Variants in SPEN observed in about 807,000 individuals in gnomAD.
SPEN encodes the protein spen family transcriptional repressor, also known as msx2-interacting protein.
A neutral mutation model predicts 269.9 loss-of-function variants in SPEN; 18 were observed. The ratio of observed to expected loss-of-function variants is 0.07; its 90% CI spans 0.05 to 0.10. The LOEUF is 0.10. Ranked by LOEUF, SPEN falls within the 10% of genes least tolerant of loss-of-function variation. SPEN has a pLI of 1.00. For missense variants in SPEN, 3,822 were observed against 4,631.2 expected, an observed-to-expected ratio of 0.83 and a Z score of 5.07; for synonymous variants, 1,726 against 1,765.7, an observed-to-expected ratio of 0.98 and a Z score of 0.56.
chr1:15,854,280 C>CAT (rs1180574421), intron 1 of SPEN, among the ~76,000 whole-genome samples: 1 of 152,078 alleles, frequency 6.6e-6, no homozygotes, highest in African/African-American at 2.4e-5. Flanking sequence ...CCTTGAAACA[C>CAT]ATATATTAGC....
At position 15,932,770 on chromosome 1, in the gene SPEN, A is replaced by G. The variant is rs1570065882; in HGVS notation, c.6530A>G (p.His2177Arg). 1 of 1,614,222 alleles carries G rather than the reference A, an allele frequency of 6.2e-7. No homozygotes were observed. The highest frequency in any genetic ancestry group is 2.2e-5 in the East Asian group (1 of 44,874). ...KQMELEQAVE[H>R]IAKLAEASAS... ...ATGGAGCTGGAGCAGGCCGTGGAAC[A>G]CATCGCAAAGCTCGCTGAGGCCTCT... is the stretch of plus-strand genomic sequence containing the variant. Residue 2177 changes from histidine to arginine, a missense_variant, in exon 11 of 15, where the codon CAC becomes CGC. Around this residue, in one of 16 missense-constraint regions of SPEN, gnomAD observed 727 missense variants for 737.9 expected, o/e 0.99. Coordinates refer to ENST00000375759, the MANE Select transcript of SPEN (RefSeq NM_015001.3). This position sits in a 1 kb window ranked among gnomAD's most constrained non-coding sequence, Gnocchi z 4.2.
chr1:15,934,508 A>G lies in SPEN; in HGVS notation c.8268A>G (p.Thr2756=). The G allele has an allele frequency of 6.2e-7, 1 of 1,614,106 alleles. No individual in the cohort carries two copies. Among genetic ancestry groups the G allele is most frequent in the Non-Finnish European group, 8.5e-7 (1 of 1,180,044 alleles). Residue 2756 remains threonine (T), a synonymous_variant, in exon 11 of 15, where the codon ACA becomes ACG. Transcript: ENST00000375759. The surrounding 1 kb of genome is among the most constrained non-coding windows in gnomAD (Gnocchi z 9.2). The part of the protein sequence containing the change: ...VTAASGGVTA[T]TGTVTMAGAV... ...CTGCATCTGGTGGTGTAACGGCCAC[A>G]ACAGGCACGGTGACAATGGCAGGGG...
intron 9 of SPEN, among the ~76,000 whole-genome samples, chr1:15,921,197 C>T (rs183108222): frequency 6.6e-6 from 1 of 152,184 alleles, no homozygotes; most frequent in Non-Finnish European, 1.5e-5. Flanking sequence ...GGCTTGGTGG[C>T]GCGTGCCTGT....
In SPEN at chr1:15,935,205, G is replaced by C. The variant is rs759938106; in HGVS notation, c.8965G>C (p.Ala2989Pro). 3 of 1,614,022 alleles carry C rather than the reference G, an allele frequency of 1.9e-6. No homozygotes were observed. The highest frequency in any genetic ancestry group is 4.5e-5 in the East Asian group (2 of 44,868). Residue 2989 changes from alanine (A) to proline (P), a missense_variant, in exon 11 of 15, where the codon GCT (alanine) becomes CCT (proline). Around this residue, in one of 16 missense-constraint regions of SPEN, gnomAD observed 94 missense variants for 90.4 expected, o/e 1.04. Coordinates refer to ENST00000375759, the MANE Select transcript of SPEN (RefSeq NM_015001.3). The surrounding 1 kb of genome is among the most constrained non-coding windows in gnomAD (Gnocchi z 7.7). ...GSTLTPHHPP[A>P]LPSKLPTEVN... ...CACGCTCACGCCCCACCACCCTCCTGCTCTGCCCAGCAAACTGCCTACAGA... is the reference window on the plus strand; with the variant it reads ...CACGCTCACGCCCCACCACCCTCCTCCTCTGCCCAGCAAACTGCCTACAGA...
intron 3 of SPEN, among the ~76,000 whole-genome samples, chr1:15,890,618 A>G (rs1009136294): frequency 6.8e-6 from 1 of 146,462 alleles, no homozygotes; most frequent in African/African-American, 2.6e-5. Context: ...GCTGGAGTGC[A>G]ATCTCTGCTC....
chr1:15,911,073 A>C, intron 4 of SPEN, 28 bp from the exon 5 acceptor site: 1 of 1,545,222 alleles, frequency 6.5e-7, no homozygotes, highest in Non-Finnish European at 8.8e-7. Flanking sequence ...TAGAAGAATT[A>C]ATAACTTGGT....
intron 2 of SPEN, among the ~76,000 whole-genome samples, chr1:15,875,355 G>A (rs2070620545): frequency 6.6e-6 from 1 of 151,998 alleles, no homozygotes; most frequent in African/African-American, 2.4e-5. Context: ...TTCATCACAG[G>A]CAATTTGAGT....
At position 15,911,353 on chromosome 1, in the gene SPEN, G is replaced by T. The variant is rs892371096; in HGVS notation, c.1243+52G>T. 3 of 1,489,552 alleles carry T rather than the reference G, an allele frequency of 2.0e-6. No individual in the cohort carries two copies. In the South Asian group the frequency reaches 3.4e-5, roughly 17 times the overall value. The allele number at this position is 1,489,552 out of a possible 1,614,324, so 92.3% of individuals were successfully genotyped here. Reference sequence around the variant, plus strand: ...GTTACTCATCACACACACTGTTTGTGTTGCAGTGTATGAGAGGGCAGCATA... The same window carrying T: ...GTTACTCATCACACACACTGTTTGTTTTGCAGTGTATGAGAGGGCAGCATA... On this transcript the variant is annotated intron_variant, in intron 5 of 14. Coordinates refer to ENST00000375759, the MANE Select transcript of SPEN (RefSeq NM_015001.3).
chr1:15,937,762 G>A lies in SPEN; in HGVS notation c.10510-50G>A, dbSNP rs753981734. 2.5e-6 allele frequency: 4 copies of A among 1,611,134 alleles called. No individual in the cohort carries two copies. The Admixed American group carries it at 6.8e-5, about 27-fold the overall frequency. Reference sequence around the variant, plus strand: ...ACAGCCTCTGGCTGTGTCCAGCATGGCTCAGCGAGGGGCCATGAGCTCACT... The same window carrying A: ...ACAGCCTCTGGCTGTGTCCAGCATGACTCAGCGAGGGGCCATGAGCTCACT... On this transcript the variant is annotated intron_variant, in intron 12 of 14. Coordinates refer to ENST00000375759, the MANE Select transcript of SPEN (RefSeq NM_015001.3). The surrounding 1 kb of genome is among the most constrained non-coding windows in gnomAD (Gnocchi z 5.7).
At chr1:15,899,050 T>C (rs1292481746) in intron 3 of SPEN, among the ~76,000 whole-genome samples, 5 of 152,250 alleles carry the variant, frequency 3.3e-5, no homozygotes, top group South Asian at 2.1e-4. Context: ...TATATAACCA[T>C]AGTGGAATCG....
intron 3 of SPEN, among the ~76,000 whole-genome samples, chr1:15,879,787 C>T (rs2070669330): frequency 6.6e-6 from 1 of 151,968 alleles, no homozygotes; most frequent in African/African-American, 2.4e-5. Context: ...TCTTCTGCCT[C>T]AGCCTCTCGA....
chr1:15,929,387 TA>T lies in SPEN; in HGVS notation c.3154del (p.Ile1052SerfsTer40). The T allele has an allele frequency of 6.2e-7, 1 of 1,612,650 alleles. No homozygotes were observed. Among genetic ancestry groups the T allele is most frequent in the Non-Finnish European group, 8.5e-7 (1 of 1,179,590 alleles). On this transcript the variant is annotated frameshift_variant, in exon 11 of 15. Transcript: ENST00000375759. LOFTEE classifies it high-confidence loss of function. This position sits in a 1 kb window ranked among gnomAD's most constrained non-coding sequence, Gnocchi z 5.8. ...GGAAAGAAATTCTTAAAAGAGAATCTAAAAAAATCAAACTGGACAGACTTAA... is the reference window on the plus strand; with the variant it reads ...GGAAAGAAATTCTTAAAAGAGAATCTAAAAAATCAAACTGGACAGACTTAA... ...VRKEILKRES[K>X]KIKLDRLNTV... is the part of the protein sequence containing the mutation.
At chr1:15,876,747 T>G in intron 3 of SPEN, 69 bp downstream of exon 3, 2 of 1,154,170 alleles carry the variant, frequency 1.7e-6, no homozygotes, top group South Asian at 1.4e-5. Context: ...TCAGTGGGAA[T>G]GGTTTCAGCA....
chr1:15,849,852 T>C (rs985995765), intron 1 of SPEN, among the ~76,000 whole-genome samples: 10 of 152,180 alleles, frequency 6.6e-5, no homozygotes, highest in Admixed American at 1.3e-4. Flanking sequence ...TTTAATCCCC[T>C]GTGGACTTTC....
chr1:15,877,874 A>G (rs2070647302), intron 3 of SPEN, among the ~76,000 whole-genome samples: 1 of 148,902 alleles, frequency 6.7e-6, no homozygotes, highest in South Asian at 2.1e-4. Flanking sequence ...CTTCCCATGT[A>G]GCTGAGATTA....
intron 2 of SPEN, 128 bp from the exon 3 acceptor site, chr1:15,876,074 G>A: frequency 1.5e-6 from 1 of 689,050 alleles, no homozygotes; most frequent in Non-Finnish European, 2.5e-6. Context: ...TTATTAAGTA[G>A]GTTAATGCTG....
rs1415716829 is a variant in SPEN at position 15,932,581 on chromosome 1, C to T, written c.6341C>T (p.Ser2114Phe). 2 of 1,603,170 alleles carry T rather than the reference C, an allele frequency of 1.2e-6. No homozygotes were observed. The highest frequency in any genetic ancestry group is 1.7e-6 in the Non-Finnish European group (2 of 1,173,396). The change falls in exon 11 of 15, where the codon TCT becomes TTT. Residue 2114 changes from serine (S) to phenylalanine (F), a missense_variant. This residue lies in a region of SPEN where 727 missense variants were observed against 737.9 expected (regional missense o/e 0.99). Transcript: ENST00000375759. This position sits in a 1 kb window ranked among gnomAD's most constrained non-coding sequence, Gnocchi z 4.2. ...GAAAQAGERE[S>F]GVVAVSPEKS... The stretch of plus-strand genomic sequence containing the variant: ...GCAGCACAGGCAGGGGAGAGGGAAT[C>T]TGGGGTGGTGGCAGTCTCCCCTGAG...
chr1:15,928,026 T>G lies in SPEN; in HGVS notation c.1851-65T>G. On this transcript the variant is annotated intron_variant, in intron 10 of 14. Transcript: ENST00000375759. The surrounding 1 kb of genome is among the most constrained non-coding windows in gnomAD (Gnocchi z 5.7). ...AGAAGCAGGAATTTCTGATTTCATA[T>G]GTATGATTTTATGCATAAGTGATGA... 3 of 1,369,706 alleles carry G rather than the reference T, an allele frequency of 2.2e-6. No individual in the cohort carries two copies. Among genetic ancestry groups the G allele is most frequent in the Non-Finnish European group, 3.0e-6 (3 of 1,003,746 alleles). 84.8% of individuals were successfully genotyped at this position (1,369,706 alleles called of 1,614,324 possible).
At chr1:15,916,510 CTTTT>C (rs34713584) in intron 6 of SPEN, among the ~76,000 whole-genome samples, 1 of 113,542 alleles carries the variant, frequency 8.8e-6, no homozygotes, top group African/African-American at 3.4e-5. Flanking sequence ...TTTCTTACCT[CTTTT>C]TTTTTTTTTT....
Sources: gnomAD v4.1 joint callset for allele counts (sites outside exome capture counted in the v4.1 genomes callset) on GRCh38, gnomAD v4.1.1 for gene constraint, gnomAD v4.1.1 regional missense constraint, Gnocchi (gnomAD v3.1) non-coding constraint, MANE v1.5 for transcripts, NCBI Gene and HGNC (gene_info 2026-07-23, HGNC 2026-07-21) for gene names.